The following IRAK1 variants were observed in gnomAD, a reference collection of about 807,000 sequenced individuals.
IRAK1 encodes the protein interleukin-1 receptor-associated kinase 1.
Under a neutral mutation model 49.8 loss-of-function variants are expected in IRAK1, and 9 were observed. The ratio of observed to expected loss-of-function variants is 0.18; its 90% CI spans 0.11 to 0.32. IRAK1 has a LOEUF of 0.32. IRAK1 is among the 10% of genes least tolerant of loss of function. IRAK1 has a pLI of 1.00. For synonymous variants in IRAK1, 282 were observed against 270.8 expected (o/e 1.04, Z -0.41); for missense variants, 418 against 600.5 (o/e 0.70, Z 3.18).
intron 11 of IRAK1, among the ~76,000 whole-genome samples, chrX:154,013,828 T>C (rs1030345156): frequency 8.9e-6 from 1 of 111,945 alleles, no homozygotes; most frequent in African/African-American, 3.2e-5. Flanking sequence ...CTTCTCTCTA[T>C]GTGAAGGGGG....
In IRAK1 at chrX:154,019,875, G is replaced by A. The variant is rs2065771297; in HGVS notation, c.-63C>T. On this transcript the variant is annotated 5_prime_UTR_variant, in exon 1 of 14. Coordinates refer to ENST00000369980, the MANE Select transcript of IRAK1 (RefSeq NM_001569.4). ...CAGGGCCGCGGCGGGCGCGGGCCTGGGCCGGCCGGGTCCGCGGACACTGAC... is the reference window on the plus strand; with the variant it reads ...CAGGGCCGCGGCGGGCGCGGGCCTGAGCCGGCCGGGTCCGCGGACACTGAC... The A allele has an allele frequency of 1.7e-6, 1 of 604,654 alleles. No homozygotes were observed. Among genetic ancestry groups the A allele is most frequent in the Non-Finnish European group, 2.0e-6 (1 of 503,433 alleles). The allele number at this position is 604,654 out of a possible 1,213,427, so 49.8% of individuals were successfully genotyped here. A position where few individuals can be genotyped will look rare whatever the true frequency, so the allele number is the denominator to read the frequency against.
Position 154,012,586 on chromosome X carries a change from G to T in IRAK1, c.2023C>A (p.Leu675Met). 1.7e-6 allele frequency: 2 copies of T among 1,211,892 alleles called. No homozygotes were observed. Among genetic ancestry groups the T allele is most frequent in the South Asian group, 3.5e-5 (2 of 57,031 alleles). ...CTGTCCAGGGCCCCATCCTCGTACA[G>T]GGCCAGCTTCTGGACCATCTTCTGT... ...ARQKMVQKLA[L>M]YEDGALDSLQ... The change falls in exon 13 of 14, where the codon CTG (leucine) becomes ATG (methionine). Residue 675 changes from leucine (L) to methionine (M), a missense_variant. Physicochemically the swap from Leu to Met is conservative, Grantham distance 15. Around this residue, in one of 3 missense-constraint regions of IRAK1, gnomAD observed 377 missense variants for 499.5 expected, o/e 0.75. Coordinates refer to ENST00000369980, the MANE Select transcript of IRAK1 (RefSeq NM_001569.4).
At chrX:154,015,329 G>A (rs1433385921) in intron 10 of IRAK1, among the ~76,000 whole-genome samples, 1 of 112,350 alleles carries the variant, frequency 8.9e-6, no homozygotes, top group African/African-American at 3.2e-5. Flanking sequence ...ATGCATGGAT[G>A]GACGGACGGG....
chrX:154,013,619 G>A (rs1393455592), intron 11 of IRAK1, among the ~76,000 whole-genome samples, 186 bp from the exon 12 acceptor site: 1 of 113,065 alleles, frequency 8.8e-6, no homozygotes, highest in Non-Finnish European at 1.9e-5. Context: ...GCTGAGAAGC[G>A]CGGCTGCCAA....
Position 154,018,213 on chromosome X carries a change from G to A in IRAK1, c.794+78C>T, listed in dbSNP as rs2065753807. The A allele has an allele frequency of 6.4e-5, 68 of 1,057,879 alleles. No homozygotes were observed. In the South Asian group the frequency reaches 1.3e-3, roughly 19 times the overall value. 87.2% of individuals were successfully genotyped at this position (1,057,879 alleles called of 1,213,427 possible). A position where few individuals can be genotyped will look rare whatever the true frequency, so the allele number is the denominator to read the frequency against. On this transcript the variant is annotated intron_variant, in intron 6 of 13. Coordinates refer to ENST00000369980, the MANE Select transcript of IRAK1 (RefSeq NM_001569.4). ...CTCGCCCGGGCCTGCCAGGCCTCAG[G>A]TGCCCAAGGGAGCCAGGTCCTGTGG...
intron 11 of IRAK1, among the ~76,000 whole-genome samples, chrX:154,013,817 C>T (rs1557128305): frequency 8.9e-6 from 1 of 112,563 alleles, no homozygotes; most frequent in African/African-American, 3.2e-5. Context: ...GCAGCTCTTT[C>T]CTTCTCTCTA....
At position 154,013,077 on chromosome X, in the gene IRAK1, C is replaced by A. The variant is rs192366956; in HGVS notation, c.1896G>T (p.Gly632=). 2.8e-5 allele frequency: 34 copies of A among 1,208,991 alleles called. No individual in the cohort carries two copies. The highest frequency in any genetic ancestry group is 3.1e-4 in the Middle Eastern group (1 of 3,215). The stretch of plus-strand genomic sequence containing the variant: ...CTGTGGGCCGGGATCCTGGGCCACT[C>A]CCCCAGCTCGATTCTCCTGCCGTGT... The part of the protein sequence containing the change: ...QGDTAGESSW[G]SGPGSRPTAV... Residue 632 remains glycine (G), a synonymous_variant, in exon 12 of 14, where the codon GGG becomes GGT. Transcript: ENST00000369980.
chrX:154,015,336 C>CGGG (rs2065731624), intron 10 of IRAK1, among the ~76,000 whole-genome samples: 2 of 112,138 alleles, frequency 1.8e-5, no homozygotes. Context: ...GATGGACGGA[C>CGGG]GGGGAAGGGA....
At chrX:154,012,479 C>A (rs1557127772) in intron 13 of IRAK1, 50 bp downstream of exon 13, 1 of 1,163,927 alleles carries the variant, frequency 8.6e-7, no homozygotes, top group African/African-American at 1.8e-5. Flanking sequence ...CTCTTTGGGG[C>A]TGACACGGAT....
intron 8 of IRAK1, 127 bp downstream of exon 8, chrX:154,016,822 C>T (rs1428820169): frequency 7.5e-5 from 47 of 629,657 alleles, no homozygotes; most frequent in Non-Finnish European, 1.1e-4. Flanking sequence ...ATCCTTGGCC[C>T]GTTCCCACAC....
intron 13 of IRAK1, 107 bp from the exon 14 acceptor site, chrX:154,012,024 C>G (rs967246177): frequency 4.6e-5 from 29 of 636,842 alleles, no homozygotes; most frequent in Non-Finnish European, 7.1e-5. Flanking sequence ...CTGGGGCGTT[C>G]GTGGGAATTG....
chrX:154,013,258 G>A lies in IRAK1; in HGVS notation c.1715C>T (p.Ala572Val), dbSNP rs1231446325. The change falls in exon 12 of 14, where the codon GCC becomes GTC. Residue 572 changes from alanine (A) to valine (V), a missense_variant. This residue lies in a region of IRAK1 where 377 missense variants were observed against 499.5 expected (regional missense o/e 0.75). Coordinates refer to ENST00000369980, the MANE Select transcript of IRAK1 (RefSeq NM_001569.4). ...TCTCTGCAGCTGCTCTGCTGCCTGG[G>A]CACTGGCTCCTGATGGCGCTGCCAG... ...QPLAAPSGAS[A>V]QAAEQLQRGP... 2 of 1,209,413 alleles carry A rather than the reference G, an allele frequency of 1.7e-6. No homozygotes were observed. Among genetic ancestry groups the A allele is most frequent in the South Asian group, 1.8e-5 (1 of 56,935 alleles).
intron 4 of IRAK1, 72 bp downstream of exon 4, chrX:154,018,903 T>G: frequency 1.1e-6 from 1 of 951,982 alleles, no homozygotes; most frequent in Non-Finnish European, 1.5e-6. Context: ...TGACTGGGGC[T>G]CTGCGCTACA....
At chrX:154,016,372 A>G (rs1557129168) in intron 9 of IRAK1, 65 bp downstream of exon 9, 5 of 1,066,728 alleles carry the variant, frequency 4.7e-6, no homozygotes, top group Non-Finnish European at 6.5e-6. Flanking sequence ...TGCACTCTGC[A>G]GCCCCCACCT....
intron 7 of IRAK1, 91 bp downstream of exon 7, chrX:154,017,915 A>T: frequency 1.6e-6 from 1 of 608,409 alleles, no homozygotes; most frequent in Non-Finnish European, 2.7e-6. Flanking sequence ...CCACTCACAC[A>T]GGCTGAAAGC....
chrX:154,019,168 C>T (rs1557130654), intron 3 of IRAK1, 29 bp downstream of exon 3: 3 of 1,210,743 alleles, frequency 2.5e-6, no homozygotes, highest in African/African-American at 1.7e-5. Flanking sequence ...TCTTTGGGTC[C>T]ACCGAGCCTA....
At chrX:154,017,493 T>G (rs965629500) in intron 7 of IRAK1, among the ~76,000 whole-genome samples, 1 of 111,631 alleles carries the variant, frequency 9.0e-6, no homozygotes. Flanking sequence ...GGGAAAGAGC[T>G]CTATAGAAAA....
chrX:154,017,934 C>T, intron 7 of IRAK1, 72 bp downstream of exon 7: 3 of 779,849 alleles, frequency 3.8e-6, no homozygotes, highest in Non-Finnish European at 5.9e-6. Flanking sequence ...GCCCTAGGCC[C>T]CGCGCCCGGC....
In IRAK1 at chrX:154,012,576, T is replaced by A. The variant is rs1557127807; in HGVS notation, c.2033A>T (p.Asp678Val). Residue 678 changes from aspartate (D) to valine (V), a missense_variant, in exon 13 of 14, where the codon GAT (aspartate) becomes GTT (valine). Around this residue, in one of 3 missense-constraint regions of IRAK1, gnomAD observed 377 missense variants for 499.5 expected, o/e 0.75. Coordinates refer to ENST00000369980, the MANE Select transcript of IRAK1 (RefSeq NM_001569.4). The part of the protein sequence containing the change: ...KMVQKLALYE[D>V]GALDSLQLLS... Reference sequence around the variant, plus strand: ...CAGCTGCAGGCTGTCCAGGGCCCCATCCTCGTACAGGGCCAGCTTCTGGAC... The same window carrying A: ...CAGCTGCAGGCTGTCCAGGGCCCCAACCTCGTACAGGGCCAGCTTCTGGAC... The A allele has an allele frequency of 8.3e-7, 1 of 1,211,587 alleles. No individual in the cohort carries two copies. Among genetic ancestry groups the A allele is most frequent in the South Asian group, 1.8e-5 (1 of 57,007 alleles).
Sources: gnomAD v4.1 joint callset for allele counts (sites outside exome capture counted in the v4.1 genomes callset) on GRCh38, gnomAD v4.1.1 for gene constraint, gnomAD v4.1.1 regional missense constraint, MANE v1.5 for transcripts, NCBI Gene and HGNC (gene_info 2026-07-23, HGNC 2026-07-21) for gene names.